YBX3: variants seen among roughly 807,000 people sequenced by gnomAD.
YBX3 encodes the protein Y-box-binding protein 3.
In YBX3, 29 loss-of-function variants were observed where a neutral mutation model predicts 42.4. The ratio of observed to expected loss-of-function variants is 0.68; its 90% CI spans 0.51 to 0.93. The LOEUF is 0.93. Ranked by LOEUF, YBX3 falls within the 40% of genes least tolerant of loss-of-function variation. YBX3 has a pLI of 0.00. For missense variants in YBX3, 517 were observed against 527.5 expected (o/e 0.98, Z 0.19); for synonymous variants, 195 against 189.8 (o/e 1.03, Z -0.22).
chr12:10,710,453 G>A, intron 5 of YBX3: 3 of 1,223,338 alleles, frequency 2.5e-6, no homozygotes, highest in Non-Finnish European at 1.0e-6. Flanking sequence ...TCCATCAAAT[G>A]CGTGTCTCCC....
In YBX3 at chr12:10,720,896, A is replaced by G. The variant is rs1214045365; in HGVS notation, c.263-1753T>C. The stretch of plus-strand genomic sequence containing the variant: ...ACTTCTTATGATCAAATTCATTCCC[A>G]CGTCTTGCTTTAAACCATAAACCCA... On this transcript the variant is annotated intron_variant, in intron 1 of 9. Coordinates refer to ENST00000228251, the MANE Select transcript of YBX3 (RefSeq NM_003651.5). 3 of 152,186 alleles carry G rather than the reference A, an allele frequency of 2.0e-5. No individual in the cohort carries two copies. The East Asian group carries it at 5.8e-4, about 29-fold the overall frequency. 9.4% of individuals were successfully genotyped at this position (152,186 alleles called of 1,614,324 possible). A position where few individuals can be genotyped will look rare whatever the true frequency, so the allele number is the denominator to read the frequency against.
chr12:10,717,940 G>T, intron 3 of YBX3, 148 bp downstream of exon 3: 1 of 541,212 alleles, frequency 1.8e-6, no homozygotes, highest in Non-Finnish European at 3.1e-6. Context: ...ATCTTAAAAT[G>T]TGGAACTGAA....
intron 1 of YBX3, chr12:10,721,866 C>A (rs956715862): frequency 6.6e-6 from 1 of 152,170 alleles, no homozygotes; most frequent in Non-Finnish European, 1.5e-5. Context: ...AGGTTATTCA[C>A]CACCCACCTG....
intron 4 of YBX3, among the ~76,000 whole-genome samples, chr12:10,714,476 A>G (rs948350107): frequency 6.6e-6 from 1 of 152,232 alleles, no homozygotes; most frequent in Non-Finnish European, 1.5e-5. Context: ...AATTAAATAT[A>G]TAACAGTATT....
At chr12:10,702,424 G>T in intron 7 of YBX3, 1 of 182,582 alleles carries the variant, frequency 5.5e-6, no homozygotes, top group Non-Finnish European at 1.1e-5. Context: ...GGGAGGCTGA[G>T]GCATAAGAAT....
chr12:10,720,507 T>C (rs1948312711), intron 1 of YBX3, among the ~76,000 whole-genome samples: 1 of 129,108 alleles, frequency 7.7e-6, no homozygotes, highest in Non-Finnish European at 1.7e-5. Context: ...GAGGCCACTC[T>C]GATTGGAGCA....
Position 10,699,131 on chromosome 12 carries a change from T to C in YBX3, c.*558A>G, listed in dbSNP as rs909134849. ...ATTTTATTTTTGAGGAATTTCTTAC[T>C]GCACATTTTCAAAGAGAGTCACATA... On this transcript the variant is annotated 3_prime_UTR_variant, in exon 10 of 10. Transcript: ENST00000228251. 4 of 152,586 alleles carry C rather than the reference T, an allele frequency of 2.6e-5. No individual in the cohort carries two copies. The allele number at this position is 152,586 out of a possible 1,614,324, so 9.5% of individuals were successfully genotyped here.
chr12:10,716,793 C>T (rs190288911), intron 3 of YBX3, among the ~76,000 whole-genome samples: 7 of 152,272 alleles, frequency 4.6e-5, no homozygotes, highest in African/African-American at 9.6e-5. Context: ...AGGACAGGCA[C>T]GCAGCATGAA....
chr12:10,703,789 A>C, intron 7 of YBX3: 1 of 400,438 alleles, frequency 2.5e-6, no homozygotes, highest in African/African-American at 2.0e-5. Flanking sequence ...TATCTGATTT[A>C]TTTTGATAAA....
chr12:10,701,517 C>T (rs1303977198), intron 8 of YBX3, among the ~76,000 whole-genome samples, 164 bp from the exon 9 acceptor site: 1 of 152,124 alleles, frequency 6.6e-6, no homozygotes, highest in Non-Finnish European at 1.5e-5. Flanking sequence ...TATTCAGTCC[C>T]TGGCATCTCT....
chr12:10,717,900 A>G (rs1486632288), intron 3 of YBX3, 188 bp downstream of exon 3: 1 of 446,506 alleles, frequency 2.2e-6, no homozygotes, highest in African/African-American at 2.0e-5. Context: ...AAAACAGTTA[A>G]TATGATGGGG....
At position 10,702,013 on chromosome 12, in the gene YBX3, T is replaced by G. The variant is rs1424469755; in HGVS notation, c.1000A>C (p.Asn334His). ...GGAGGACGCGGGCGACGCCGGTAAT[T>G]GTAGGGACGCCGGTATCCACGGCGA... is the stretch of plus-strand genomic sequence containing the variant. Reference protein sequence around the residue: ...SVRRGYRRPYNYRRRPRPPNA... With the variant: ...SVRRGYRRPYHYRRRPRPPNA... The change falls in exon 8 of 10, where the codon AAT (asparagine) becomes CAT (histidine). Residue 334 changes from asparagine to histidine, a missense_variant. Around this residue, in one of 3 missense-constraint regions of YBX3, gnomAD observed 420 missense variants for 408.5 expected, o/e 1.03. Coordinates refer to ENST00000228251, the MANE Select transcript of YBX3 (RefSeq NM_003651.5). The G allele has an allele frequency of 1.4e-5, 23 of 1,614,054 alleles. No homozygotes were observed. Among genetic ancestry groups the G allele is most frequent in the Non-Finnish European group, 1.9e-5 (23 of 1,179,964 alleles).
intron 2 of YBX3, 56 bp from the exon 3 acceptor site, chr12:10,718,177 A>G (rs1948284550): frequency 6.5e-7 from 1 of 1,533,886 alleles, no homozygotes; most frequent in Non-Finnish European, 8.9e-7. Context: ...GAAAAACTTA[A>G]AAGAACCTAT....
chr12:10,719,100 A>G lies in YBX3; in HGVS notation c.306T>C (p.Asn102=), dbSNP rs748174654. 2 of 1,613,410 alleles carry G rather than the reference A, an allele frequency of 1.2e-6. No individual in the cohort carries two copies. The highest frequency in any genetic ancestry group is 2.7e-5 in the African/African-American group (2 of 74,900). The part of the protein sequence containing the change: ...LGTVKWFNVR[N]GYGFINRNDT... Reference sequence around the variant, plus strand: ...CATACCGATTTATAAATCCATATCCATTTCTGACGTTGAACCATTTGACAG... The same window carrying G: ...CATACCGATTTATAAATCCATATCCGTTTCTGACGTTGAACCATTTGACAG... Residue 102 remains asparagine, a synonymous_variant, in exon 2 of 10, where the codon AAT becomes AAC. Coordinates refer to ENST00000228251, the MANE Select transcript of YBX3 (RefSeq NM_003651.5).
intron 4 of YBX3, among the ~76,000 whole-genome samples, chr12:10,714,733 A>G (rs1435808438): frequency 3.3e-5 from 5 of 151,838 alleles, no homozygotes; most frequent in Non-Finnish European, 7.4e-5. Flanking sequence ...GATAAAAGAA[A>G]TCTTTTGCCC....
At chr12:10,709,869 G>T (rs369687324) in intron 6 of YBX3, 39 bp downstream of exon 6, 1 of 1,608,848 alleles carries the variant, frequency 6.2e-7, no homozygotes, top group African/African-American at 1.3e-5. Flanking sequence ...GGACGGAAGG[G>T]TGAGGATTGC....
chr12:10,710,716 G>C (rs767359057), intron 5 of YBX3: 2 of 537,322 alleles, frequency 3.7e-6, no homozygotes, highest in Non-Finnish European at 6.6e-6. Flanking sequence ...ATGACATGTG[G>C]TCTCTCAGCA....
chr12:10,715,543 T>A (rs1591581532), intron 4 of YBX3, 151 bp downstream of exon 4: 3 of 595,306 alleles, frequency 5.0e-6, no homozygotes, highest in East Asian at 3.6e-5. Context: ...GACCCCATCT[T>A]AAAAAAAAAA....
chr12:10,716,928 T>C (rs1948269646), intron 3 of YBX3, among the ~76,000 whole-genome samples: 1 of 152,170 alleles, frequency 6.6e-6, no homozygotes, highest in South Asian at 2.1e-4. Context: ...AATCGGGTCA[T>C]ATACTCACAG....
Sources: allele counts gnomAD v4.1 joint callset (sites outside exome capture counted in the v4.1 genomes callset), GRCh38; gene constraint gnomAD v4.1.1; regional missense constraint gnomAD v4.1.1; transcripts MANE v1.5; gene names NCBI Gene and HGNC (gene_info 2026-07-23, HGNC 2026-07-21).